KDM4C: variants seen among roughly 807,000 people sequenced by gnomAD.
KDM4C encodes the protein lysine demethylase 4C.
KDM4C carries 81 observed loss-of-function variants against 129.3 expected under a neutral mutation model. The observed-to-expected ratio is 0.63, with a 90% confidence interval of 0.52 to 0.75. The LOEUF (loss-of-function observed/expected upper bound fraction) is 0.75, where lower values mean the gene tolerates loss of function less well. Ranked by LOEUF, KDM4C falls within the 30% of genes least tolerant of loss-of-function variation. KDM4C has a pLI of 0.00. For synonymous variants in KDM4C, 573 were observed against 456.1 expected, an observed-to-expected ratio of 1.26 and a Z score of -3.26; for missense variants, 1,457 against 1,304.0, an observed-to-expected ratio of 1.12 and a Z score of -1.81.
chr9:6,836,534 T>C (rs114624099), intron 4 of KDM4C, among the ~76,000 whole-genome samples: 1,691 of 152,266 alleles, frequency 0.011, 31 homozygotes, highest in African/African-American at 0.038. Flanking sequence ...AACCACTCTT[T>C]TTTAGTCCTT....
intron 15 of KDM4C, among the ~76,000 whole-genome samples, chr9:7,037,284 C>G (rs140817619): frequency 6.6e-6 from 1 of 152,216 alleles, no homozygotes; most frequent in Non-Finnish European, 1.5e-5. Flanking sequence ...GCTTTAGTGG[C>G]ACTTATGGAT....
intron 1 of KDM4C, among the ~76,000 whole-genome samples, chr9:6,773,795 A>AT (rs138780754): frequency 0.096 from 14,518 of 151,038 alleles, 819 homozygotes; most frequent in Non-Finnish European, 0.11. Context: ...AAGTATAGGT[A>AT]TTGTAGATGT....
At position 7,133,530 on chromosome 9, in the gene KDM4C, G is replaced by T. The variant is rs573871837; in HGVS notation, c.2781+5294G>T. ...GTAAGTTCACACTCATTTCACAGAC[G>T]TGTTACTTGCCAAGTCGCACAAAAG... On this transcript the variant is annotated intron_variant, in intron 19 of 21. Coordinates refer to ENST00000381309, the MANE Select transcript of KDM4C (RefSeq NM_015061.6). Among the ~76,000 whole-genome samples the T allele has an allele frequency of 1.1e-4, 17 of 152,304 alleles. No homozygotes were observed. In the East Asian group the frequency reaches 3.3e-3, roughly 29 times the overall value.
chr9:7,132,404 C>T (rs974084194), intron 19 of KDM4C, among the ~76,000 whole-genome samples: 1 of 151,756 alleles, frequency 6.6e-6, no homozygotes, highest in Non-Finnish European at 1.5e-5. Flanking sequence ...AGGAGAAACG[C>T]TCTTTGAACT....
At chr9:7,014,376 A>G (rs1823258532) in intron 14 of KDM4C, 1 of 166,124 alleles carries the variant, frequency 6.0e-6, no homozygotes, top group Non-Finnish European at 1.3e-5. Context: ...TGACTTTTAA[A>G]AGAGAAATGA....
At chr9:6,927,620 C>T (rs1001803325) in intron 8 of KDM4C, among the ~76,000 whole-genome samples, 4 of 152,166 alleles carry the variant, frequency 2.6e-5, no homozygotes, top group East Asian at 1.9e-4. Context: ...TACGTAGAGG[C>T]TTCCAGGGAC....
At chr9:6,860,830 G>C (rs1314044646) in intron 5 of KDM4C, among the ~76,000 whole-genome samples, 1 of 152,116 alleles carries the variant, frequency 6.6e-6, no homozygotes, top group Non-Finnish European at 1.5e-5. Flanking sequence ...TCTAGATTGA[G>C]AATACTTTTT....
At chr9:6,889,371 T>C (rs371553367) in intron 7 of KDM4C, among the ~76,000 whole-genome samples, 15 of 152,188 alleles carry the variant, frequency 9.9e-5, no homozygotes, top group African/African-American at 2.9e-4. Context: ...GCACAAGATA[T>C]GCTTGCTTTT....
At chr9:7,088,850 AAAAG>A (rs1056975784) in intron 17 of KDM4C, among the ~76,000 whole-genome samples, 1 of 151,270 alleles carries the variant, frequency 6.6e-6, no homozygotes, top group Non-Finnish European at 1.5e-5. Flanking sequence ...AAAAAAAAGA[AAAAG>A]AAAAAAAAAA....
At chr9:6,889,336 C>T (rs912082593) in intron 7 of KDM4C, among the ~76,000 whole-genome samples, 1 of 151,862 alleles carries the variant, frequency 6.6e-6, no homozygotes, top group Non-Finnish European at 1.5e-5. Context: ...CCTGCTCCCT[C>T]ATAAACTGTC....
chr9:6,947,856 TATA>T (rs1229077617), intron 8 of KDM4C, among the ~76,000 whole-genome samples: 2 of 152,102 alleles, frequency 1.3e-5, no homozygotes, highest in Admixed American at 6.5e-5. Context: ...GTTAGGAGAT[TATA>T]ATGTGTATGA....
intron 15 of KDM4C, among the ~76,000 whole-genome samples, chr9:7,032,906 T>A (rs921574255): frequency 1.3e-5 from 2 of 152,250 alleles, no homozygotes; most frequent in Non-Finnish European, 2.9e-5. Flanking sequence ...ATTGGTTGGA[T>A]GAGCAGGTTC....
intron 8 of KDM4C, among the ~76,000 whole-genome samples, chr9:6,963,454 C>A (rs1830353690): frequency 6.6e-6 from 1 of 152,132 alleles, no homozygotes; most frequent in African/African-American, 2.4e-5. Flanking sequence ...TAATTATGAC[C>A]AGTAGTATCG....
chr9:7,169,760 T>G, intron 20 of KDM4C, 38 bp from the exon 21 acceptor site: 1 of 1,538,690 alleles, frequency 6.5e-7, no homozygotes, highest in Non-Finnish European at 8.9e-7. Flanking sequence ...TCAGTGCTGT[T>G]TTTTTAATAT....
At chr9:6,772,105 G>A (rs1031175485) in intron 1 of KDM4C, among the ~76,000 whole-genome samples, 1 of 152,188 alleles carries the variant, frequency 6.6e-6, no homozygotes, top group Non-Finnish European at 1.5e-5. Context: ...GATTTAGAAA[G>A]TAAATGAGTT....
At chr9:7,076,455 C>A in intron 17 of KDM4C, 2 of 1,550,784 alleles carry the variant, frequency 1.3e-6, no homozygotes, top group Admixed American at 2.0e-5. Flanking sequence ...AATCTAGACA[C>A]AGCAACAGTA....
At chr9:7,066,888 G>A (rs544404007) in intron 17 of KDM4C, among the ~76,000 whole-genome samples, 59 of 152,212 alleles carry the variant, frequency 3.9e-4, no homozygotes, top group East Asian at 2.7e-3. Flanking sequence ...CTCTTCTTAC[G>A]TTTCTCAAAG....
intron 17 of KDM4C, among the ~76,000 whole-genome samples, chr9:7,088,084 C>G (rs1452058500): frequency 1.8e-4 from 27 of 152,206 alleles, no homozygotes; most frequent in Admixed American, 1.5e-3. Context: ...TGGACAGTGT[C>G]TTTAGCAGGA....
chr9:6,902,423 C>G lies in KDM4C; in HGVS notation c.921+9191C>G, dbSNP rs1025500231. ...GGCTGTCAGGAGTGCACGTAAAAAA[C>G]CCAACATAATCACCTGGGACTGTGT... On this transcript the variant is annotated intron_variant, in intron 8 of 21. Coordinates refer to ENST00000381309, the MANE Select transcript of KDM4C (RefSeq NM_015061.6). Among the ~76,000 whole-genome samples, 10 of 152,116 alleles carry G rather than the reference C, an allele frequency of 6.6e-5. 1 individual carries two copies. Among genetic ancestry groups the G allele is most frequent in the African/African-American group, 2.2e-4 (9 of 41,416 alleles).
Sources: gnomAD v4.1 joint callset for allele counts (sites outside exome capture counted in the v4.1 genomes callset) on GRCh38, gnomAD v4.1.1 for gene constraint, MANE v1.5 for transcripts, NCBI Gene and HGNC (gene_info 2026-07-23, HGNC 2026-07-21) for gene names.